Variants in CCDC3 observed in about 807,000 individuals in gnomAD.
The protein encoded by CCDC3 is coiled-coil domain-containing protein 3.
In CCDC3, 24 loss-of-function variants were observed where a neutral mutation model predicts 21.4. The ratio of observed to expected loss-of-function variants is 1.12; its 90% confidence interval spans 0.81 to 1.58. The LOEUF is 1.58. CCDC3 is among the 40% of genes most tolerant of loss of function. The probability of loss-of-function intolerance (pLI) is 0.00; values close to 1 mark genes in which losing one functional copy is unlikely to be tolerated. For missense variants in CCDC3, 425 were observed against 360.9 expected (o/e 1.18, Z -1.44); for synonymous variants, 186 against 166.0 (o/e 1.12, Z -0.93).
intron 3 of CCDC3, chr10:13,074,191 CCT>C (rs1179348090): frequency 1.4e-5 from 2 of 139,768 alleles, no homozygotes; most frequent in African/African-American, 5.3e-5. Context: ...GAGTTTCACC[CCT>C]GTTGCCCAGG....
At chr10:12,986,277 G>C (rs909106866) in intron 2 of CCDC3, among the ~76,000 whole-genome samples, 15 of 152,166 alleles carry the variant, frequency 9.9e-5, no homozygotes, top group Admixed American at 8.5e-4. Context: ...ATGAGTGCCT[G>C]TGTAATGACT....
chr10:12,980,228 G>C (rs1835475091), intron 2 of CCDC3, among the ~76,000 whole-genome samples: 1 of 152,130 alleles, frequency 6.6e-6, no homozygotes, highest in Non-Finnish European at 1.5e-5. Flanking sequence ...AGACCCCTGG[G>C]GGAAGCATGG....
At chr10:12,922,242 G>A (rs969493659) in intron 2 of CCDC3, among the ~76,000 whole-genome samples, 3 of 152,154 alleles carry the variant, frequency 2.0e-5, no homozygotes, top group Non-Finnish European at 2.9e-5. Flanking sequence ...AGTCTACAGC[G>A]TGAGCTGCCC....
intron 2 of CCDC3, among the ~76,000 whole-genome samples, chr10:12,942,649 G>C (rs147449760): frequency 6.6e-6 from 1 of 152,182 alleles, no homozygotes; most frequent in Admixed American, 6.5e-5. Context: ...CATAATAAAA[G>C]ATTAGGGTGG....
chr10:12,982,929 A>T (rs976742714), intron 2 of CCDC3, among the ~76,000 whole-genome samples: 1 of 150,522 alleles, frequency 6.6e-6, no homozygotes, highest in Non-Finnish European at 1.5e-5. Context: ...CCTGGCCAAC[A>T]TCGTGAAACC....
intron 3 of CCDC3, among the ~76,000 whole-genome samples, chr10:13,077,302 G>A (rs137876938): frequency 0.13 from 19,385 of 152,088 alleles, 1,507 homozygotes; most frequent in East Asian, 0.21. Context: ...CAACTTACAA[G>A]GGACGTGAAG....
intron 5 of CCDC3, among the ~76,000 whole-genome samples, chr10:13,012,988 T>A (rs1242140206): frequency 6.6e-6 from 1 of 152,238 alleles, no homozygotes; most frequent in African/African-American, 2.4e-5. Flanking sequence ...AAAATTTTTA[T>A]ATTCAAAATT....
At position 13,067,450 on chromosome 10, in the gene CCDC3, A is replaced by G. The variant is rs185500469; in HGVS notation, c.-270+6418T>C. 5.2e-4 allele frequency among the ~76,000 whole-genome samples: 78 copies of G among 151,448 alleles called. 1 individual carries two copies. The highest frequency in any genetic ancestry group is 5.2e-4 in the Non-Finnish European group (35 of 67,918). ...GCCAGGAATAAGGATCACTGTTTAT[A>G]TTCTCTGTAAAGTTTTAATTATGAA... is the stretch of plus-strand genomic sequence containing the variant. On this transcript the variant is annotated intron_variant, in intron 4 of 6. Coordinates refer to the CCDC3 transcript ENST00000378839.
At chr10:12,983,128 GTGTATATATATATATATATATATATATA>G (rs760003951) in intron 2 of CCDC3, among the ~76,000 whole-genome samples, 123 of 117,858 alleles carry the variant, frequency 1.0e-3, no homozygotes, top group East Asian at 6.5e-3. Flanking sequence ...AAATAAAATA[GTGTATATATATATATATATATATATATA>G]TATATATATA....
intron 2 of CCDC3, among the ~76,000 whole-genome samples, chr10:12,920,304 T>G (rs960805221): frequency 6.6e-6 from 1 of 152,090 alleles, no homozygotes; most frequent in African/African-American, 2.4e-5. Context: ...GGGGAAACAG[T>G]CCCTATGATT....
chr10:13,011,184 AG>A (rs1252628140), intron 5 of CCDC3, among the ~76,000 whole-genome samples: 1 of 72,742 alleles, frequency 1.4e-5, no homozygotes, highest in Non-Finnish European at 3.4e-5. Flanking sequence ...CTGTCTCAGA[AG>A]AAAAAAAAAA....
intron 5 of CCDC3, among the ~76,000 whole-genome samples, chr10:13,018,605 C>T (rs903406689): frequency 2.0e-5 from 3 of 152,020 alleles, no homozygotes; most frequent in African/African-American, 4.8e-5. Context: ...ACAGGATTTT[C>T]GTCTTAGTGG....
chr10:13,044,896 C>T (rs1476181541), intron 5 of CCDC3, among the ~76,000 whole-genome samples: 1 of 152,074 alleles, frequency 6.6e-6, no homozygotes, highest in Non-Finnish European at 1.5e-5. Context: ...GGCCATTTAA[C>T]ATATCGAGTC....
intron 2 of CCDC3, among the ~76,000 whole-genome samples, chr10:12,954,069 TA>T (rs2131250914): frequency 6.6e-6 from 1 of 152,264 alleles, no homozygotes; most frequent in South Asian, 2.1e-4. Flanking sequence ...TTTTAACTAC[TA>T]AAAAATTTTA....
At position 13,085,966 on chromosome 10, in the gene CCDC3, T is replaced by TAA. The variant is rs60901983; in HGVS notation, c.-502-11868_-502-11867dup. ...TGGGTGACAGAGAGAGACTCCCTCT[T>TAA]AAAAAAAAAAAAAAGAAAGAAAGAA... On this transcript the variant is annotated intron_variant, in intron 3 of 6. Coordinates refer to the CCDC3 transcript ENST00000378839. Among the ~76,000 whole-genome samples, 373 of 138,432 alleles carry TAA rather than the reference T, an allele frequency of 2.7e-3. 1 individual carries two copies. Among genetic ancestry groups the TAA allele is most frequent in the African/African-American group, 8.5e-3 (315 of 37,258 alleles). 90.8% of individuals were successfully genotyped at this position (138,432 alleles called of 152,430 possible).
chr10:13,051,651 C>T (rs560541899), intron 4 of CCDC3, among the ~76,000 whole-genome samples: 3 of 152,130 alleles, frequency 2.0e-5, no homozygotes, highest in Non-Finnish European at 2.9e-5. Flanking sequence ...GTTACCAAGG[C>T]TGGGGAATAT....
At chr10:12,938,041 A>G (rs1834767604) in intron 2 of CCDC3, among the ~76,000 whole-genome samples, 1 of 152,152 alleles carries the variant, frequency 6.6e-6, no homozygotes, top group Non-Finnish European at 1.5e-5. Flanking sequence ...GTCCTCAAAC[A>G]TCTTCAACCC....
chr10:12,916,229 T>TC (rs1834351549), intron 2 of CCDC3, among the ~76,000 whole-genome samples: 1 of 152,046 alleles, frequency 6.6e-6, no homozygotes, highest in Non-Finnish European at 1.5e-5. Context: ...GGCAGGCGAT[T>TC]GAGACCAGCC....
intron 2 of CCDC3, among the ~76,000 whole-genome samples, chr10:12,988,999 A>T (rs1036881256): frequency 5.3e-5 from 8 of 152,286 alleles, no homozygotes; most frequent in Non-Finnish European, 8.8e-5. Context: ...ATAGCTCAAA[A>T]GCTTTCTGAA....
Sources: gnomAD v4.1 joint callset for allele counts (sites outside exome capture counted in the v4.1 genomes callset) on GRCh38, gnomAD v4.1.1 for gene constraint, MANE v1.5 for transcripts, NCBI Gene and HGNC (gene_info 2026-07-23, HGNC 2026-07-21) for gene names.